Variants in TRIM48 observed in about 807,000 individuals in gnomAD.
TRIM48 encodes E3 ubiquitin-protein ligase TRIM48.
TRIM48 carries 31 observed loss-of-function variants against 29.5 expected under a neutral mutation model. The ratio of observed to expected loss-of-function variants is 1.05; its 90% confidence interval spans 0.79 to 1.42. The LOEUF is 1.42. Among genes scored for constraint, TRIM48 ranks in the 40% most tolerant of loss-of-function variants. The pLI, the probability that TRIM48 is intolerant of heterozygous loss-of-function variation, is 0.00. For synonymous variants in TRIM48, 128 were observed against 90.6 expected, an observed-to-expected ratio of 1.41 and a Z score of -2.34; for missense variants, 344 against 265.0, an observed-to-expected ratio of 1.30 and a Z score of -2.07.
intron 2 of TRIM48, 84 bp downstream of exon 2, chr11:55,265,398 C>T: frequency 6.4e-7 from 1 of 1,557,214 alleles, no homozygotes; most frequent in Non-Finnish European, 8.7e-7. Flanking sequence ...TGGGTAAAGC[C>T]AACTCTGAGT....
chr11:55,270,490 G>T lies in TRIM48; in HGVS notation c.*55G>T. 1 of 1,570,746 alleles carries T rather than the reference G, an allele frequency of 6.4e-7. No individual in the cohort carries two copies. Among genetic ancestry groups the T allele is most frequent in the Middle Eastern group, 2.2e-4 (1 of 4,520 alleles). On this transcript the variant is annotated 3_prime_UTR_variant, in exon 6 of 6. Coordinates refer to ENST00000417545, the MANE Select transcript of TRIM48 (RefSeq NM_024114.5). ...CAACAGTCATATCTTCCGATGTGGAGATTTGAGAAGCATTTGTATTGGATG... is the reference window on the plus strand; with the variant it reads ...CAACAGTCATATCTTCCGATGTGGATATTTGAGAAGCATTTGTATTGGATG...
At chr11:55,267,364 G>T in intron 3 of TRIM48, 2 of 1,527,162 alleles carry the variant, frequency 1.3e-6, no homozygotes, top group Admixed American at 1.7e-5. Context: ...AATAGGAGAT[G>T]GATATATACA....
intron 3 of TRIM48, 125 bp from the exon 4 acceptor site, chr11:55,268,225 C>A: frequency 3.4e-6 from 3 of 886,478 alleles, no homozygotes; most frequent in Middle Eastern, 2.5e-4. Flanking sequence ...ATAGAAAATG[C>A]TTTGCAGAAG....
chr11:55,269,360 A>T lies in TRIM48; in HGVS notation c.*1+21A>T, dbSNP rs770496396. On this transcript the variant is annotated intron_variant, in intron 5 of 5. Transcript: ENST00000417545. Reference sequence around the variant, plus strand: ...CTGAGGTAAGTCTCCACCCACAGGCAGCACCCCCACTATCTAAATATTATT... The same window carrying T: ...CTGAGGTAAGTCTCCACCCACAGGCTGCACCCCCACTATCTAAATATTATT... 7.0e-6 allele frequency: 11 copies of T among 1,569,476 alleles called. 1 individual carries two copies. In the African/African-American group the frequency reaches 9.5e-5, roughly 14 times the overall value.
rs1457381207 is a variant in TRIM48, at chr11:55,268,470, A to C, written c.578+98A>C. On this transcript the variant is annotated intron_variant, in intron 4 of 5. Coordinates refer to ENST00000417545, the MANE Select transcript of TRIM48 (RefSeq NM_024114.5). ...CATGGCATAAACGATTAAGATATTG[A>C]TACTATTTTTTTTTGCATCTTCTTT... 1.2e-4 allele frequency: 150 copies of C among 1,241,430 alleles called. 8 individuals carry two copies. Among genetic ancestry groups the C allele is most frequent in the Non-Finnish European group, 7.8e-5 (69 of 887,242 alleles). The allele number at this position is 1,241,430 out of a possible 1,614,324, so 76.9% of individuals were successfully genotyped here.
At position 55,262,169 on chromosome 11, in the gene TRIM48, GAGA is replaced by G. The variant is rs1461637688; in HGVS notation, c.-96_-94del. On this transcript the variant is annotated 5_prime_UTR_variant, in exon 1 of 6. Transcript: ENST00000417545. ...GAGACAAGCTCAGTTTTCTCCAAAG[GAGA>G]AGGAGTGCACTTAGAGGGAGCTGTG... 2.8e-5 allele frequency: 25 copies of G among 905,876 alleles called. No individual in the cohort carries two copies. The highest frequency in any genetic ancestry group is 3.9e-5 in the Non-Finnish European group (22 of 561,700). 56.1% of individuals were successfully genotyped at this position (905,876 alleles called of 1,614,324 possible). A position where few individuals can be genotyped will look rare whatever the true frequency, so the allele number is the denominator to read the frequency against.
At chr11:55,266,316 C>T (rs1267302500) in intron 3 of TRIM48, among the ~76,000 whole-genome samples, 2 of 147,382 alleles carry the variant, frequency 1.4e-5, no homozygotes, top group Non-Finnish European at 3.0e-5. Context: ...ACTCTGAGGA[C>T]TTCAGAAAAA....
Position 55,265,556 on chromosome 11 carries a change from C to T in TRIM48, c.460-44C>T, listed in dbSNP as rs556897703. Reference sequence around the variant, plus strand: ...TCCCAATGAAACGGTCTGTATGTTACTTTATTGTCTTCACTGGTGCTTCAA... The same window carrying T: ...TCCCAATGAAACGGTCTGTATGTTATTTTATTGTCTTCACTGGTGCTTCAA... On this transcript the variant is annotated intron_variant, in intron 2 of 5. Coordinates refer to ENST00000417545, the MANE Select transcript of TRIM48 (RefSeq NM_024114.5). 4 of 1,565,088 alleles carry T rather than the reference C, an allele frequency of 2.6e-6. No individual in the cohort carries two copies. In the African/African-American group the frequency reaches 4.1e-5, roughly 16 times the overall value.
Position 55,265,823 on chromosome 11 carries a change from A to T in TRIM48, c.555+128A>T. ...AAAAAAAAAAAAAAAAGAGAAGAAA[A>T]CATTGAGAAAAAATGGTCTCATTTC... is the stretch of plus-strand genomic sequence containing the variant. On this transcript the variant is annotated intron_variant, in intron 3 of 5. Transcript: ENST00000417545. The T allele has an allele frequency of 1.7e-6, 2 of 1,157,972 alleles. 1 individual carries two copies. Among genetic ancestry groups the T allele is most frequent in the Non-Finnish European group, 2.4e-6 (2 of 844,874 alleles). 71.7% of individuals were successfully genotyped at this position (1,157,972 alleles called of 1,614,324 possible). A position where few individuals can be genotyped will look rare whatever the true frequency, so the allele number is the denominator to read the frequency against.
intron 3 of TRIM48, 122 bp downstream of exon 3, chr11:55,265,817 A>AG: frequency 8.6e-7 from 1 of 1,163,132 alleles, no homozygotes; most frequent in Non-Finnish European, 1.2e-6. Context: ...AAAAAAAGAG[A>AG]AGAAAACATT....
rs781549801 is a variant in TRIM48, at chr11:55,265,038, C to T, written c.183C>T (p.Asp61=). 1.9e-6 allele frequency: 3 copies of T among 1,584,262 alleles called. No individual in the cohort carries two copies. Among genetic ancestry groups the T allele is most frequent in the Admixed American group, 1.7e-5 (1 of 58,558 alleles). The change falls in exon 2 of 6, where the codon GAC becomes GAT. Residue 61 remains aspartate, a synonymous_variant. Coordinates refer to ENST00000417545, the MANE Select transcript of TRIM48 (RefSeq NM_024114.5). ...CCTGTTTCTACCTCAACTGGCAAGA[C>T]ATCCCAATTCTTACTCAGTGCTTTG... ...CRPCFYLNWQ[D]IPILTQCFEC...
chr11:55,263,314 A>G (rs989345866), intron 1 of TRIM48, among the ~76,000 whole-genome samples: 6 of 152,208 alleles, frequency 3.9e-5, no homozygotes, highest in African/African-American at 1.2e-4. Context: ...GTAGCAGGCT[A>G]TACCATCTAG....
At chr11:55,266,057 T>C (rs974987423) in intron 3 of TRIM48, among the ~76,000 whole-genome samples, 3 of 147,498 alleles carry the variant, frequency 2.0e-5, no homozygotes, top group African/African-American at 7.4e-5. Flanking sequence ...AAGTGAACCT[T>C]CTGAGCCTGG....
intron 3 of TRIM48, chr11:55,267,294 T>C (rs1305841023): frequency 4.0e-6 from 5 of 1,244,992 alleles, no homozygotes; most frequent in Non-Finnish European, 5.5e-6. Context: ...TTCTAAGAAC[T>C]GGCAAGACTG....
At chr11:55,268,702 G>A (rs545482509) in intron 4 of TRIM48, among the ~76,000 whole-genome samples, 3 of 147,928 alleles carry the variant, frequency 2.0e-5, no homozygotes, top group Admixed American at 6.9e-5. Context: ...TATTTTAGCA[G>A]TGAAAAAGTT....
In TRIM48 at chr11:55,264,498, G is replaced by A. The variant is rs181979897; in HGVS notation, c.45-402G>A. Among the ~76,000 whole-genome samples the A allele has an allele frequency of 6.5e-3, 965 of 147,878 alleles. 75 individuals are homozygous for A. The highest frequency in any genetic ancestry group is 0.022 in the African/African-American group (873 of 40,446). On this transcript the variant is annotated intron_variant, in intron 1 of 5. Transcript: ENST00000417545. The stretch of plus-strand genomic sequence containing the variant: ...CATAGGACCCTCTAGCCATCTTCTC[G>A]TATTTCTTTGGCCAAGACAGTTTTT...
intron 1 of TRIM48, among the ~76,000 whole-genome samples, chr11:55,263,251 C>G (rs1377415022): frequency 6.6e-6 from 1 of 152,080 alleles, no homozygotes; most frequent in Non-Finnish European, 1.5e-5. Context: ...ATAGAACACG[C>G]TGTACAGTTT....
At chr11:55,262,416 A>T in intron 1 of TRIM48, 105 bp downstream of exon 1, 1 of 810,668 alleles carries the variant, frequency 1.2e-6, no homozygotes, top group East Asian at 2.7e-5. Context: ...CAATGATACC[A>T]TCTGTAATTC....
chr11:55,264,013 C>T (rs112421578), intron 1 of TRIM48, among the ~76,000 whole-genome samples: 45 of 152,224 alleles, frequency 3.0e-4, no homozygotes, highest in African/African-American at 1.0e-3. Flanking sequence ...CTCTCTCCTC[C>T]GGAAACACCT....
Sources: allele counts gnomAD v4.1 joint callset (sites outside exome capture counted in the v4.1 genomes callset), GRCh38; gene constraint gnomAD v4.1.1; transcripts MANE v1.5; gene names NCBI Gene and HGNC (gene_info 2026-07-23, HGNC 2026-07-21).